The following SEMA3A variants were observed in gnomAD, a reference collection of about 807,000 sequenced individuals.
The protein encoded by SEMA3A is semaphorin-3A.
A neutral mutation model predicts 97.9 loss-of-function variants in SEMA3A; 29 were observed. The ratio of observed to expected loss-of-function variants is 0.30; its 90% CI spans 0.22 to 0.40. SEMA3A has a LOEUF of 0.40. Among genes scored for constraint, SEMA3A ranks in the 10% least tolerant of loss-of-function variants. The pLI is 1.00. For missense variants in SEMA3A, 763 were observed against 951.3 expected (o/e 0.80, Z 2.60); for synonymous variants, 321 against 323.7 (o/e 0.99, Z 0.09).
intron 1 of SEMA3A, among the ~76,000 whole-genome samples, chr7:84,429,650 CCCTAAAAATAGAAAGATAGAACCT>C (rs1804926461): frequency 6.8e-6 from 1 of 147,954 alleles, no homozygotes; most frequent in South Asian, 2.2e-4. Context: ...TACACCCTTC[CCCTAAAAATAGAAAGATAGAACCT>C]CAGCATTTTA....
At chr7:84,274,228 C>T (rs1277032868) in intron 3 of SEMA3A, among the ~76,000 whole-genome samples, 1 of 151,372 alleles carries the variant, frequency 6.6e-6, no homozygotes, top group Non-Finnish European at 1.5e-5. Flanking sequence ...TTGTGGTTTG[C>T]AAAGGGGCCT....
intron 2 of SEMA3A, among the ~76,000 whole-genome samples, chr7:84,365,549 A>C (rs964081078): frequency 1.3e-5 from 2 of 151,602 alleles, no homozygotes; most frequent in Non-Finnish European, 3.0e-5. Context: ...CTTCTTTCTC[A>C]AAGTAAATAT....
intron 1 of SEMA3A, among the ~76,000 whole-genome samples, chr7:84,465,846 C>T (rs776990127): frequency 7.9e-5 from 12 of 152,118 alleles, no homozygotes; most frequent in Non-Finnish European, 1.8e-4. Flanking sequence ...TAAATAGCTT[C>T]CTGAAGAACT....
chr7:83,985,852 C>G (rs1404594258), intron 12 of SEMA3A, among the ~76,000 whole-genome samples: 1 of 152,070 alleles, frequency 6.6e-6, no homozygotes, highest in African/African-American at 2.4e-5. Context: ...CTTTGTTCTA[C>G]ATTGGATGTG....
intron 2 of SEMA3A, among the ~76,000 whole-genome samples, chr7:84,330,045 C>T (rs1050185371): frequency 1.3e-4 from 19 of 151,926 alleles, no homozygotes; most frequent in African/African-American, 4.6e-4. Flanking sequence ...ACCTAATAAG[C>T]AAAGATGAAG....
chr7:84,403,071 T>C (rs1026931779), intron 1 of SEMA3A, among the ~76,000 whole-genome samples: 3 of 152,032 alleles, frequency 2.0e-5, no homozygotes, highest in Admixed American at 1.3e-4. Flanking sequence ...GTGCAGTGCA[T>C]GGTGCATGAG....
In SEMA3A at chr7:84,094,193, G is replaced by A. The variant is rs114540727; in HGVS notation, c.453+16277C>T. Among the ~76,000 whole-genome samples, 403 of 152,178 alleles carry A rather than the reference G, an allele frequency of 2.6e-3. 1 individual carries two copies. Among genetic ancestry groups the A allele is most frequent in the African/African-American group, 9.2e-3 (382 of 41,532 alleles). On this transcript the variant is annotated intron_variant, in intron 4 of 16. Transcript: ENST00000265362. ...AAAAGGAACCATATGCCTTGGTGACGTTTACACTTCTGGTCTGCTGCCCAG... is the reference window on the plus strand; with the variant it reads ...AAAAGGAACCATATGCCTTGGTGACATTTACACTTCTGGTCTGCTGCCCAG...
At chr7:84,205,923 T>C (rs750958585) in intron 3 of SEMA3A, among the ~76,000 whole-genome samples, 4 of 152,246 alleles carry the variant, frequency 2.6e-5, no homozygotes, top group South Asian at 4.1e-4. Flanking sequence ...AATTATTTTA[T>C]ATGAATAAGC....
intron 2 of SEMA3A, among the ~76,000 whole-genome samples, chr7:84,356,252 T>C (rs1252628299): frequency 6.6e-6 from 1 of 151,838 alleles, no homozygotes; most frequent in Non-Finnish European, 1.5e-5. Context: ...TGCAACACAC[T>C]GATTTTAATT....
intron 1 of SEMA3A, among the ~76,000 whole-genome samples, chr7:84,424,285 T>C (rs1457976793): frequency 6.9e-6 from 1 of 145,700 alleles, no homozygotes. Flanking sequence ...ATGTTAAATA[T>C]ATATAAATGT....
At chr7:83,982,222 T>A (rs1014630600) in intron 13 of SEMA3A, among the ~76,000 whole-genome samples, 2 of 152,196 alleles carry the variant, frequency 1.3e-5, no homozygotes, top group Non-Finnish European at 2.9e-5. Context: ...GCTATTCATA[T>A]AATTTTTCTA....
intron 15 of SEMA3A, among the ~76,000 whole-genome samples, chr7:83,973,277 G>C (rs1278184013): frequency 2.6e-5 from 4 of 151,822 alleles, no homozygotes; most frequent in African/African-American, 7.3e-5. Context: ...AATTTTCCTT[G>C]CTATTATCAT....
At position 84,005,416 on chromosome 7, in the gene SEMA3A, T is replaced by C. The variant is rs2116396983; in HGVS notation, c.1283A>G (p.Asn428Ser). 1 of 1,613,940 alleles carries C rather than the reference T, an allele frequency of 6.2e-7. No individual in the cohort carries two copies. The highest frequency in any genetic ancestry group is 1.7e-4 in the Middle Eastern group (1 of 6,060). The change falls in exon 11 of 17, where the codon AAT becomes AGT. Residue 428 changes from asparagine (N) to serine (S), a missense_variant. Asn to Ser is a conservative substitution (Grantham distance 46). This residue lies in a region of SEMA3A where 678 missense variants were observed against 881.3 expected (regional missense o/e 0.77). Coordinates refer to ENST00000265362, the MANE Select transcript of SEMA3A (RefSeq NM_006080.3). ...NRPIVIKTDVNYQFTQIVVDR... is the reference protein window; with the variant it reads ...NRPIVIKTDVSYQFTQIVVDR... ...TACGACAATTTGTGTAAATTGATAA[T>C]TTACATCCGTTTTGATCACTATTGG...
rs762141269 is a variant in SEMA3A, at chr7:83,963,287, G to A, written c.1778C>T (p.Thr593Ile). 3 of 1,613,718 alleles carry A rather than the reference G, an allele frequency of 1.9e-6. No individual in the cohort carries two copies. The highest frequency in any genetic ancestry group is 2.7e-5 in the African/African-American group (2 of 75,050). ...CGACTTCGGACTGCATTCCAAAAAT[G>A]TGCTACTATTCTCTACACCATAGAT... ...RIIYGVENSSTFLECSPKSQR... is the reference protein window; with the variant it reads ...RIIYGVENSSIFLECSPKSQR... Residue 593 changes from threonine to isoleucine, a missense_variant, in exon 16 of 17, where the codon ACA (threonine) becomes ATA (isoleucine). This residue lies in a region of SEMA3A where 678 missense variants were observed against 881.3 expected (regional missense o/e 0.77). Coordinates refer to ENST00000265362, the MANE Select transcript of SEMA3A (RefSeq NM_006080.3).
chr7:84,123,663 G>A (rs1271911006), intron 3 of SEMA3A, among the ~76,000 whole-genome samples: 2 of 148,076 alleles, frequency 1.4e-5, no homozygotes, highest in African/African-American at 4.9e-5. Flanking sequence ...ATATAGAAAA[G>A]CAATATTAAA....
At chr7:84,411,554 C>T (rs1314778334) in intron 1 of SEMA3A, among the ~76,000 whole-genome samples, 2 of 135,014 alleles carry the variant, frequency 1.5e-5, no homozygotes, top group Admixed American at 1.6e-4. Context: ...AAAATATTGA[C>T]ATTTGGGTAT....
intron 1 of SEMA3A, among the ~76,000 whole-genome samples, chr7:84,193,361 C>T (rs1798109381): frequency 6.6e-6 from 1 of 151,986 alleles, no homozygotes; most frequent in Non-Finnish European, 1.5e-5. Flanking sequence ...GAGCAAGGTA[C>T]AGTAGACAGA....
chr7:84,433,051 T>C (rs1247576141), intron 1 of SEMA3A, among the ~76,000 whole-genome samples: 1 of 151,924 alleles, frequency 6.6e-6, no homozygotes, highest in East Asian at 1.9e-4. Flanking sequence ...ATAGCCTCTC[T>C]ATCACCTGTT....
chr7:84,186,023 A>G (rs927626760), intron 1 of SEMA3A, among the ~76,000 whole-genome samples: 3 of 152,186 alleles, frequency 2.0e-5, no homozygotes, highest in Admixed American at 6.5e-5. Context: ...TACTCTATGA[A>G]GTTCCTAGCC....
Sources: allele counts gnomAD v4.1 joint callset (sites outside exome capture counted in the v4.1 genomes callset), GRCh38; gene constraint gnomAD v4.1.1; regional missense constraint gnomAD v4.1.1; transcripts MANE v1.5; gene names NCBI Gene and HGNC (gene_info 2026-07-23, HGNC 2026-07-21).